ARB2A: variants seen among roughly 807,000 people sequenced by gnomAD.
ARB2A encodes cotranscriptional regulator ARB2A.
chr5:93,933,763 G>A, the ARB2A span, among the ~76,000 whole-genome samples: 1 of 151,950 alleles, frequency 6.6e-6, no homozygotes, highest in African/African-American at 2.4e-5. Context: ...TAACAAACCT[G>A]CATGTTCCGC....
the ARB2A span, among the ~76,000 whole-genome samples, chr5:93,641,904 G>A: frequency 6.6e-6 from 1 of 152,182 alleles, no homozygotes; most frequent in African/African-American, 2.4e-5. Flanking sequence ...GTAGAGAAAG[G>A]TGGAGATGTG....
the ARB2A span, among the ~76,000 whole-genome samples, chr5:93,671,557 A>C: frequency 1.1e-4 from 17 of 152,142 alleles, no homozygotes; most frequent in Non-Finnish European, 2.9e-5. Flanking sequence ...TACAATTCTA[A>C]TTGATAATTG....
the ARB2A span, among the ~76,000 whole-genome samples, chr5:93,875,132 T>C: frequency 2.2e-4 from 34 of 152,222 alleles, no homozygotes; most frequent in African/African-American, 6.5e-4. Flanking sequence ...ACATATATTA[T>C]CATCATTCTA....
chr5:93,844,899 C>T, the ARB2A span, among the ~76,000 whole-genome samples: 1 of 152,186 alleles, frequency 6.6e-6, no homozygotes, highest in Non-Finnish European at 1.5e-5. Context: ...ATTCGTGTTG[C>T]CCATTCACGC....
the ARB2A span, among the ~76,000 whole-genome samples, chr5:93,978,572 A>G: frequency 6.6e-6 from 1 of 152,106 alleles, no homozygotes; most frequent in Non-Finnish European, 1.5e-5. Context: ...TTGGGTAGAC[A>G]TGGGCACAAA....
At chr5:93,786,936 T>A in the ARB2A span, among the ~76,000 whole-genome samples, 2 of 152,096 alleles carry the variant, frequency 1.3e-5, no homozygotes, top group Admixed American at 1.3e-4. Flanking sequence ...TTCTATAATA[T>A]GGTCTATAAC....
the ARB2A span, among the ~76,000 whole-genome samples, chr5:93,841,927 G>A: frequency 3.3e-5 from 5 of 152,258 alleles, no homozygotes; most frequent in Admixed American, 6.5e-5. Flanking sequence ...TCAATGTGTC[G>A]TTTTCCTTCA....
chr5:93,830,316 T>C, the ARB2A span, among the ~76,000 whole-genome samples: 138 of 93,594 alleles, frequency 1.5e-3, 2 homozygotes, highest in African/African-American at 4.9e-3. Context: ...TGTGTGTATA[T>C]ATATATATAT....
At chr5:93,664,010 G>T in the ARB2A span, among the ~76,000 whole-genome samples, 1 of 151,738 alleles carries the variant, frequency 6.6e-6, no homozygotes, top group Non-Finnish European at 1.5e-5. Context: ...TGTATCAATA[G>T]TGTTCTGATA....
the ARB2A span, chr5:94,074,780 T>G: frequency 6.4e-7 from 1 of 1,553,580 alleles, no homozygotes; most frequent in South Asian, 1.1e-5. Context: ...CTAGAATGAA[T>G]GAAAGCAATA....
the ARB2A span, among the ~76,000 whole-genome samples, chr5:93,638,751 C>T: frequency 1.3e-5 from 2 of 152,104 alleles, no homozygotes; most frequent in African/African-American, 4.8e-5. Context: ...ATCACTTGAA[C>T]CTGGGAGGCA....
chr5:94,092,216 C>T, the ARB2A span, among the ~76,000 whole-genome samples: 2 of 151,662 alleles, frequency 1.3e-5, no homozygotes, highest in South Asian at 2.1e-4. Flanking sequence ...TGTGGTGGCA[C>T]ATGCCTGTGG....
the ARB2A span, among the ~76,000 whole-genome samples, chr5:94,038,225 A>G: frequency 2.6e-5 from 4 of 152,110 alleles, no homozygotes; most frequent in Non-Finnish European, 5.9e-5. Flanking sequence ...TTCACAAGTT[A>G]CATGCTGTTT....
At chr5:94,038,096 C>T in the ARB2A span, among the ~76,000 whole-genome samples, 1 of 151,912 alleles carries the variant, frequency 6.6e-6, no homozygotes, top group Non-Finnish European at 1.5e-5. Flanking sequence ...AAAGAAAACA[C>T]AAAGACCAAA....
the ARB2A span, among the ~76,000 whole-genome samples, chr5:93,824,987 G>A: frequency 6.6e-6 from 1 of 152,324 alleles, no homozygotes; most frequent in East Asian, 1.9e-4. Context: ...TGTTTTGACT[G>A]GACCACTTCC....
the ARB2A span, among the ~76,000 whole-genome samples, chr5:94,087,030 A>G: frequency 6.6e-6 from 1 of 152,236 alleles, no homozygotes; most frequent in East Asian, 1.9e-4. Flanking sequence ...AAGATCTTCC[A>G]GCGGGACAAG....
the ARB2A span, among the ~76,000 whole-genome samples, chr5:94,093,571 T>C: frequency 1.3e-5 from 2 of 152,206 alleles, no homozygotes; most frequent in African/African-American, 2.4e-5. Context: ...ACAGTTACAC[T>C]GTAGGTTATG....
At chr5:94,055,959 T>C in the ARB2A span, 1 of 905,928 alleles carries the variant, frequency 1.1e-6, no homozygotes, top group South Asian at 5.1e-5. Flanking sequence ...AGCACTTTCA[T>C]ATACATTACT....
chr5:93,958,800 G>A, the ARB2A span: 6 of 1,557,714 alleles, frequency 3.9e-6, no homozygotes, highest in Non-Finnish European at 5.2e-6. Flanking sequence ...TTAATAAACG[G>A]TATCTGTGTG....
Sources: gnomAD v4.1 joint callset for allele counts (sites outside exome capture counted in the v4.1 genomes callset) on GRCh38, gnomAD v4.1.1 for gene constraint, MANE v1.5 for transcripts, NCBI Gene and HGNC (gene_info 2026-07-23, HGNC 2026-07-21) for gene names.